SH3PXD2B: variants seen among roughly 807,000 people sequenced by gnomAD.
The protein encoded by SH3PXD2B is SH3 and PX domain-containing protein 2B.
Under a neutral mutation model 73.1 loss-of-function variants are expected in SH3PXD2B, and 37 were observed. The ratio of observed to expected loss-of-function variants is 0.51; its 90% confidence interval spans 0.39 to 0.67. The LOEUF is 0.67. Among genes scored for constraint, SH3PXD2B ranks in the 30% least tolerant of loss-of-function variants. The probability of loss-of-function intolerance (pLI) is 0.00; values close to 1 mark genes in which losing one functional copy is unlikely to be tolerated. For synonymous variants in SH3PXD2B, 457 were observed against 480.5 expected, an observed-to-expected ratio of 0.95 and a Z score of 0.64; for missense variants, 1,053 against 1,197.8, an observed-to-expected ratio of 0.88 and a Z score of 1.78.
intron 6 of SH3PXD2B, among the ~76,000 whole-genome samples, chr5:172,363,922 G>A (rs1156344009): frequency 1.3e-5 from 2 of 152,174 alleles, no homozygotes; most frequent in African/African-American, 4.8e-5. Context: ...TGGATCAGAG[G>A]TTGGCAAGAA....
At chr5:172,372,446 G>A (rs2113350853) in intron 6 of SH3PXD2B, among the ~76,000 whole-genome samples, 1 of 152,252 alleles carries the variant, frequency 6.6e-6, no homozygotes, top group African/African-American at 2.4e-5. Context: ...AGAAGCCACT[G>A]TGCTTCCCGT....
At position 172,406,281 on chromosome 5, in the gene SH3PXD2B, C is replaced by T. The variant is rs1276069733; in HGVS notation, c.228G>A (p.Leu76=). 1.9e-6 allele frequency: 3 copies of T among 1,613,876 alleles called. No individual in the cohort carries two copies. The highest frequency in any genetic ancestry group is 2.2e-5 in the East Asian group (1 of 44,886). The change falls in exon 3 of 13, where the codon CTG becomes CTA. Residue 76 remains leucine (L), a synonymous_variant. Coordinates refer to ENST00000311601, the MANE Select transcript of SH3PXD2B (RefSeq NM_001017995.3). Reference sequence around the variant, plus strand: ...GAGAGCACCCATCTCACCTACCTGGCAGAAAGGGGATGATCCGCTGCTTGG... The same window carrying T: ...GAGAGCACCCATCTCACCTACCTGGTAGAAAGGGGATGATCCGCTGCTTGG... ...KDPKQRIIPF[L]PGKILFRRSH... is the part of the protein sequence containing the mutation.
At chr5:172,394,953 G>T (rs1758262952) in intron 3 of SH3PXD2B, among the ~76,000 whole-genome samples, 1 of 152,168 alleles carries the variant, frequency 6.6e-6, no homozygotes, top group Admixed American at 6.5e-5. Flanking sequence ...AAGAAGGTTG[G>T]ACCCGAGCAT....
intron 7 of SH3PXD2B, among the ~76,000 whole-genome samples, chr5:172,359,854 AG>A (rs1188797751): frequency 6.6e-6 from 1 of 152,218 alleles, no homozygotes; most frequent in Non-Finnish European, 1.5e-5. Context: ...ATGTAATCCC[AG>A]GGGTCCTTAA....
intron 1 of SH3PXD2B, among the ~76,000 whole-genome samples, chr5:172,450,327 G>T (rs1203046456): frequency 6.6e-6 from 1 of 152,060 alleles, no homozygotes; most frequent in Non-Finnish European, 1.5e-5. Flanking sequence ...GGGCAGCATC[G>T]GGGAGGGCGT....
chr5:172,372,126 G>T (rs1379074793), intron 6 of SH3PXD2B, among the ~76,000 whole-genome samples: 1 of 152,142 alleles, frequency 6.6e-6, no homozygotes, highest in African/African-American at 2.4e-5. Context: ...TTTTGAATTT[G>T]GAATTTCTAC....
intron 12 of SH3PXD2B, among the ~76,000 whole-genome samples, chr5:172,326,089 C>T (rs889270146): frequency 3.3e-5 from 5 of 151,986 alleles, no homozygotes; most frequent in African/African-American, 4.8e-5. Flanking sequence ...GCCTGGCTGG[C>T]GGCCCTGCCT....
At chr5:172,390,056 T>C (rs1461010263) in intron 4 of SH3PXD2B, among the ~76,000 whole-genome samples, 1 of 152,214 alleles carries the variant, frequency 6.6e-6, no homozygotes, top group Non-Finnish European at 1.5e-5. Flanking sequence ...ATAAATTACA[T>C]ACCATAAAAT....
At chr5:172,377,176 C>CTCAA (rs1245971675) in intron 5 of SH3PXD2B, among the ~76,000 whole-genome samples, 1 of 152,190 alleles carries the variant, frequency 6.6e-6, no homozygotes, top group Non-Finnish European at 1.5e-5. Context: ...CATGCGTTTG[C>CTCAA]TCAAGCAGGT....
chr5:172,335,006 A>G lies in SH3PXD2B; in HGVS notation c.*3363T>C, dbSNP rs530641139. ...GATCCCCCAGTAGGGAAGGGCCATT[A>G]AAAGCGGTTTAAGCTGGAGCTCAGC... On this transcript the variant is annotated 3_prime_UTR_variant, in exon 13 of 13. Transcript: ENST00000311601. 7 of 985,478 alleles carry G rather than the reference A, an allele frequency of 7.1e-6. No individual in the cohort carries two copies. The East Asian group carries it at 7.9e-4, about 112-fold the overall frequency. 61.0% of individuals were successfully genotyped at this position (985,478 alleles called of 1,614,324 possible).
chr5:172,440,383 G>A (rs1026744444), intron 1 of SH3PXD2B, among the ~76,000 whole-genome samples: 1 of 152,198 alleles, frequency 6.6e-6, no homozygotes, highest in African/African-American at 2.4e-5. Flanking sequence ...GCCCTGCCTC[G>A]ATGGGGCTGT....
intron 3 of SH3PXD2B, among the ~76,000 whole-genome samples, chr5:172,399,020 G>T (rs1027443396): frequency 6.6e-6 from 1 of 152,126 alleles, no homozygotes; most frequent in Non-Finnish European, 1.5e-5. Context: ...AGATCAAATG[G>T]CCACCTTAAT....
At chr5:172,377,312 C>T (rs2113361630) in intron 5 of SH3PXD2B, among the ~76,000 whole-genome samples, 1 of 152,314 alleles carries the variant, frequency 6.6e-6, no homozygotes, top group East Asian at 1.9e-4. Flanking sequence ...CAAGCCCTAA[C>T]ATGGGTTGAC....
intron 3 of SH3PXD2B, among the ~76,000 whole-genome samples, chr5:172,401,914 G>A (rs146447678): frequency 0.012 from 1,857 of 152,200 alleles, 38 homozygotes; most frequent in African/African-American, 0.042. Context: ...TGATGATTGC[G>A]TTAACTGCAC....
intron 2 of SH3PXD2B, among the ~76,000 whole-genome samples, chr5:172,419,291 A>G (rs1174570212): frequency 1.3e-5 from 2 of 151,814 alleles, no homozygotes; most frequent in Non-Finnish European, 2.9e-5. Context: ...AGCAATGAAC[A>G]ACATTTGCAT....
rs921156436 is a variant in SH3PXD2B at position 172,334,436 on chromosome 5, G to C, written c.*3933C>G. The stretch of plus-strand genomic sequence containing the variant: ...CTCATCAGCCCACAGTCTGACACGA[G>C]GTCATCTTTGGTCTGTGGTGAGGTA... On this transcript the variant is annotated 3_prime_UTR_variant, in exon 13 of 13. Transcript: ENST00000311601. The C allele has an allele frequency of 2.0e-6, 2 of 987,862 alleles. No homozygotes were observed. Among genetic ancestry groups the C allele is most frequent in the Non-Finnish European group, 1.2e-6 (1 of 831,944 alleles). 61.2% of individuals were successfully genotyped at this position (987,862 alleles called of 1,614,324 possible). A position where few individuals can be genotyped will look rare whatever the true frequency, so the allele number is the denominator to read the frequency against.
intron 1 of SH3PXD2B, among the ~76,000 whole-genome samples, chr5:172,451,114 T>G (rs931597226): frequency 3.3e-5 from 5 of 152,238 alleles, no homozygotes; most frequent in Non-Finnish European, 7.3e-5. Context: ...GACGCCATTC[T>G]GATCATGGAG....
chr5:172,332,255 C>T (rs12656192), downstream of SH3PXD2B, among the ~76,000 whole-genome samples: 93,884 of 145,670 alleles, frequency 0.64, 30,551 homozygotes, highest in South Asian at 0.84. Flanking sequence ...CTTTTTCCTT[C>T]CTTTTTTTTT....
At chr5:172,396,651 T>TA (rs1343019694) in intron 3 of SH3PXD2B, among the ~76,000 whole-genome samples, 1 of 146,986 alleles carries the variant, frequency 6.8e-6, no homozygotes, top group Non-Finnish European at 1.5e-5. Flanking sequence ...TTTCACCAAT[T>TA]AAAAAAATAT....
Sources: allele counts gnomAD v4.1 joint callset (sites outside exome capture counted in the v4.1 genomes callset), GRCh38; gene constraint gnomAD v4.1.1; transcripts MANE v1.5; gene names NCBI Gene and HGNC (gene_info 2026-07-23, HGNC 2026-07-21).